Variants in KLHL2 observed in about 807,000 individuals in gnomAD.
KLHL2 encodes kelch-like protein 2.
A neutral mutation model predicts 75.8 loss-of-function variants in KLHL2; 15 were observed. The observed-to-expected ratio is 0.20, with a 90% CI of 0.13 to 0.30. The LOEUF (loss-of-function observed/expected upper bound fraction) is 0.30. KLHL2 is among the 10% of genes least tolerant of loss of function. The pLI is 1.00. For missense variants in KLHL2, 381 were observed against 741.0 expected (o/e 0.51, Z 5.64); for synonymous variants, 214 against 251.9 (o/e 0.85, Z 1.42).
At chr4:165,241,325 T>C (rs1433153812) in intron 4 of KLHL2, among the ~76,000 whole-genome samples, 2 of 152,220 alleles carry the variant, frequency 1.3e-5, no homozygotes, top group Non-Finnish European at 2.9e-5. Context: ...CAGACTCCTA[T>C]TTCCTGCTTT....
intron 1 of KLHL2, among the ~76,000 whole-genome samples, chr4:165,215,157 C>T (rs1737455703): frequency 6.6e-6 from 1 of 152,108 alleles, no homozygotes; most frequent in South Asian, 2.1e-4. Flanking sequence ...TGTCTCTTTG[C>T]CTTAGCTAAC....
chr4:165,239,987 A>G (rs2048605), intron 4 of KLHL2, among the ~76,000 whole-genome samples: 13,061 of 152,000 alleles, frequency 0.086, 623 homozygotes, highest in Middle Eastern at 0.13. Flanking sequence ...TTAATCAGCT[A>G]TATATATATA....
chr4:165,240,964 T>C (rs1739774848), intron 4 of KLHL2, among the ~76,000 whole-genome samples: 1 of 152,200 alleles, frequency 6.6e-6, no homozygotes, highest in South Asian at 2.1e-4. Flanking sequence ...AGTCCTGAAA[T>C]ATTAGTCATC....
chr4:165,274,279 G>T (rs952877896), intron 5 of KLHL2, among the ~76,000 whole-genome samples: 1 of 152,098 alleles, frequency 6.6e-6, no homozygotes, highest in Non-Finnish European at 1.5e-5. Context: ...CAGGACCTCG[G>T]GGTATTGTCT....
At chr4:165,251,954 A>G (rs1740770946) in intron 4 of KLHL2, among the ~76,000 whole-genome samples, 1 of 152,162 alleles carries the variant, frequency 6.6e-6, no homozygotes, top group African/African-American at 2.4e-5. Context: ...AAGGCTAGGT[A>G]CTCTAGAAGC....
chr4:165,234,436 T>C (rs1237402752), intron 3 of KLHL2, among the ~76,000 whole-genome samples: 1 of 152,218 alleles, frequency 6.6e-6, no homozygotes, highest in African/African-American at 2.4e-5. Context: ...TTTTGTGTGC[T>C]AAATAACTGA....
chr4:165,288,676 A>C (rs780163623), intron 5 of KLHL2, among the ~76,000 whole-genome samples: 1 of 152,188 alleles, frequency 6.6e-6, no homozygotes, highest in South Asian at 2.1e-4. Context: ...TGTTAAAAGC[A>C]GTGCTACAGT....
chr4:165,233,080 T>TA (rs1560990592), intron 3 of KLHL2, among the ~76,000 whole-genome samples: 1 of 152,082 alleles, frequency 6.6e-6, no homozygotes, highest in Non-Finnish European at 1.5e-5. Flanking sequence ...TGTTGGGTCT[T>TA]ACTTTTAATC....
chr4:165,241,818 T>C (rs966202397), intron 4 of KLHL2, among the ~76,000 whole-genome samples: 9 of 152,106 alleles, frequency 5.9e-5, no homozygotes, highest in Non-Finnish European at 1.0e-4. Flanking sequence ...TTTTAAACAA[T>C]ATAATACCTA....
intron 4 of KLHL2, among the ~76,000 whole-genome samples, chr4:165,249,248 GTT>G (rs1157779620): frequency 6.6e-6 from 1 of 152,198 alleles, no homozygotes; most frequent in Non-Finnish European, 1.5e-5. Flanking sequence ...CTCCTTCAGA[GTT>G]GATCAGACTT....
chr4:165,218,872 C>G (rs1384949397), intron 1 of KLHL2, among the ~76,000 whole-genome samples: 1 of 152,174 alleles, frequency 6.6e-6, no homozygotes, highest in Non-Finnish European at 1.5e-5. Flanking sequence ...TTTTAGACTT[C>G]ATTTTTTAAG....
chr4:165,281,578 G>A (rs1443668600), intron 5 of KLHL2, among the ~76,000 whole-genome samples: 1 of 152,160 alleles, frequency 6.6e-6, no homozygotes, highest in African/African-American at 2.4e-5. Context: ...GCCTCCCAAA[G>A]TGCTAGGATT....
At chr4:165,225,520 A>G (rs968004646) in intron 2 of KLHL2, among the ~76,000 whole-genome samples, 1 of 152,198 alleles carries the variant, frequency 6.6e-6, no homozygotes, top group African/African-American at 2.4e-5. Flanking sequence ...ATTAGATTTC[A>G]AGTAATAGGA....
chr4:165,282,599 C>A (rs1300316055), intron 5 of KLHL2, among the ~76,000 whole-genome samples: 2 of 151,976 alleles, frequency 1.3e-5, no homozygotes, highest in African/African-American at 4.8e-5. Flanking sequence ...ATGATGAAGA[C>A]CCCAAATCAT....
chr4:165,283,935 G>C (rs1305739495), intron 5 of KLHL2, among the ~76,000 whole-genome samples: 1 of 152,224 alleles, frequency 6.6e-6, no homozygotes, highest in Non-Finnish European at 1.5e-5. Flanking sequence ...AAGCTGCCAA[G>C]GCTTGAGGCT....
At chr4:165,259,150 T>A (rs2111213104) in intron 4 of KLHL2, among the ~76,000 whole-genome samples, 1 of 152,260 alleles carries the variant, frequency 6.6e-6, no homozygotes, top group East Asian at 1.9e-4. Context: ...TCACCCAGGC[T>A]GGAGTACAGT....
chr4:165,219,403 GTAAA>G (rs1370957023), intron 1 of KLHL2, among the ~76,000 whole-genome samples: 1 of 152,212 alleles, frequency 6.6e-6, no homozygotes, highest in African/African-American at 2.4e-5. Flanking sequence ...CTGCCATATG[GTAAA>G]TACTCAATAA....
intron 5 of KLHL2, among the ~76,000 whole-genome samples, chr4:165,284,801 G>A (rs1743962471): frequency 6.6e-6 from 1 of 152,198 alleles, no homozygotes; most frequent in Non-Finnish European, 1.5e-5. Context: ...CAAAAGAAAG[G>A]TTTATTGGAC....
intron 10 of KLHL2, 51 bp from the exon 11 acceptor site, chr4:165,311,413 C>T: frequency 7.7e-7 from 1 of 1,300,900 alleles, no homozygotes; most frequent in South Asian, 1.2e-5. Flanking sequence ...TATATATGAA[C>T]TATTGACATT....
Sources: gnomAD v4.1 joint callset for allele counts (sites outside exome capture counted in the v4.1 genomes callset) on GRCh38, gnomAD v4.1.1 for gene constraint, MANE v1.5 for transcripts, NCBI Gene and HGNC (gene_info 2026-07-23, HGNC 2026-07-21) for gene names.